KCNQ1OT1: variants seen among roughly 807,000 people sequenced by gnomAD.
KCNQ1OT1 encodes KCNQ1 antisense RNA 2 (non-protein coding).
Position 2,653,061 on chromosome 11 carries a change from G to A in KCNQ1OT1, n.46934C>T, listed in dbSNP as rs758427768. 1.0e-5 allele frequency: 4 copies of A among 398,538 alleles called. No homozygotes were observed. Among genetic ancestry groups the A allele is most frequent in the African/African-American group, 2.1e-5 (1 of 48,628 alleles). The allele number at this position is 398,538 out of a possible 1,614,324, so 24.7% of individuals were successfully genotyped here. ...TGAGATCCAACATGTTCCATAATTT[G>A]CATCAAACATCCTCATACAGCAGGG... On this transcript the variant is annotated non_coding_transcript_exon_variant, in exon 1 of 1. Coordinates refer to ENST00000597346, the Ensembl canonical transcript of KCNQ1OT1. This position sits in a 1 kb window ranked among gnomAD's most constrained non-coding sequence, Gnocchi z 5.3.
At chr11:2,662,094 A>C in exon 1 of KCNQ1OT1, 1 of 1,614,146 alleles carries the variant, frequency 6.2e-7, no homozygotes, top group Non-Finnish European at 8.5e-7. Flanking sequence ...GAGTGCCTAC[A>C]TGTGCGTGAA....
chr11:2,637,893 T>C (rs1034984724), exon 1 of KCNQ1OT1: 2 of 152,246 alleles, frequency 1.3e-5, no homozygotes, highest in African/African-American at 2.4e-5. Context: ...ATATTTAAGA[T>C]AGTTAGCTCT....
rs1453831550 is a variant in KCNQ1OT1, at chr11:2,642,410, T to C, written n.57585A>G. 2.5e-6 allele frequency: 1 copy of C among 398,084 alleles called. No individual in the cohort carries two copies. Among genetic ancestry groups the C allele is most frequent in the Non-Finnish European group, 4.4e-6 (1 of 225,838 alleles). 24.7% of individuals were successfully genotyped at this position (398,084 alleles called of 1,614,324 possible). A position where few individuals can be genotyped will look rare whatever the true frequency, so the allele number is the denominator to read the frequency against. ...CTTGATTTCTTTCTCAGCTGGTTCT[T>C]TATTGGTATATAGAAATAAGCCTGA... On this transcript the variant is annotated non_coding_transcript_exon_variant, in exon 1 of 1. Transcript: ENST00000597346. The surrounding 1 kb of genome is among the most constrained non-coding windows in gnomAD (Gnocchi z 4.3).
In KCNQ1OT1 at chr11:2,651,652, A is replaced by G. The variant is rs530729494; in HGVS notation, n.48343T>C. On this transcript the variant is annotated non_coding_transcript_exon_variant, in exon 1 of 1. Coordinates refer to ENST00000597346, the Ensembl canonical transcript of KCNQ1OT1. The surrounding 1 kb of genome is among the most constrained non-coding windows in gnomAD (Gnocchi z 6.1). ...CCCACCTGGGGTCTCTGTCTCTCCC[A>G]CAGCTCACTGACATTAGCCACGTGG... is the stretch of plus-strand genomic sequence containing the variant. 10 of 398,494 alleles carry G rather than the reference A, an allele frequency of 2.5e-5. No homozygotes were observed. Among genetic ancestry groups the G allele is most frequent in the Admixed American group, 1.3e-4 (3 of 22,712 alleles). The allele number at this position is 398,494 out of a possible 1,614,324, so 24.7% of individuals were successfully genotyped here.
chr11:2,666,685 G>A (rs1341983693), exon 1 of KCNQ1OT1: 1 of 398,554 alleles, frequency 2.5e-6, no homozygotes, highest in Non-Finnish European at 4.4e-6. Context: ...GCTTGGCCTG[G>A]GACATTTTGG....
chr11:2,622,639 T>C (rs1564836616), exon 1 of KCNQ1OT1: 1 of 398,640 alleles, frequency 2.5e-6, no homozygotes, highest in Non-Finnish European at 4.4e-6. Flanking sequence ...CTGCCTTTTT[T>C]TGTGTTTGAT....
chr11:2,673,614 T>G lies in KCNQ1OT1; in HGVS notation n.26381A>C. On this transcript the variant is annotated non_coding_transcript_exon_variant, in exon 1 of 1. Coordinates refer to ENST00000597346, the Ensembl canonical transcript of KCNQ1OT1. The surrounding 1 kb of genome is among the most constrained non-coding windows in gnomAD (Gnocchi z 4.5). ...AAAGAGAAGCTAAACGTGACCAGCC[T>G]ACCCACCTTGCTACTGCTGATGACC... 1 of 398,788 alleles carries G rather than the reference T, an allele frequency of 2.5e-6. No individual in the cohort carries two copies. The highest frequency in any genetic ancestry group is 4.4e-6 in the Non-Finnish European group (1 of 226,160). The allele number at this position is 398,788 out of a possible 1,614,324, so 24.7% of individuals were successfully genotyped here.
exon 1 of KCNQ1OT1, chr11:2,619,800 T>G (rs539522520): frequency 1.0e-5 from 4 of 398,438 alleles, no homozygotes; most frequent in East Asian, 7.1e-5. Flanking sequence ...TTGGGTAGTA[T>G]TCAGTCATGA....
chr11:2,642,851 G>A lies in KCNQ1OT1; in HGVS notation n.57144C>T, dbSNP rs983069172. On this transcript the variant is annotated non_coding_transcript_exon_variant, in exon 1 of 1. Transcript: ENST00000597346. This position sits in a 1 kb window ranked among gnomAD's most constrained non-coding sequence, Gnocchi z 4.3. The stretch of plus-strand genomic sequence containing the variant: ...CTTTTGCAGTATCCCTTAAGTTTCA[G>A]AATGTTGTGCTTCTATTTTCACTTG... The A allele has an allele frequency of 2.5e-6, 1 of 397,772 alleles. No individual in the cohort carries two copies. The allele number at this position is 397,772 out of a possible 1,614,324, so 24.6% of individuals were successfully genotyped here. A position where few individuals can be genotyped will look rare whatever the true frequency, so the allele number is the denominator to read the frequency against.
chr11:2,625,848 C>T (rs1405466619), exon 1 of KCNQ1OT1: 9 of 398,504 alleles, frequency 2.3e-5, no homozygotes, highest in East Asian at 3.6e-5. Context: ...GGATTACAGG[C>T]GTGAGCCACC....
At chr11:2,660,343 T>C (rs986838104) in exon 1 of KCNQ1OT1, 1 of 398,396 alleles carries the variant, frequency 2.5e-6, no homozygotes, top group African/African-American at 2.1e-5. Context: ...AAATTAGGAA[T>C]AAATTTAAGA....
Position 2,671,540 on chromosome 11 carries a change from C to G in KCNQ1OT1, n.28455G>C, listed in dbSNP as rs1163893500. 1 of 398,528 alleles carries G rather than the reference C, an allele frequency of 2.5e-6. No individual in the cohort carries two copies. The highest frequency in any genetic ancestry group is 4.4e-6 in the Non-Finnish European group (1 of 226,090). 24.7% of individuals were successfully genotyped at this position (398,528 alleles called of 1,614,324 possible). A position where few individuals can be genotyped will look rare whatever the true frequency, so the allele number is the denominator to read the frequency against. ...GATTTTTCAAAGGTTAATTTTGACT[C>G]TGCCTGACTTATCTCCTAAGTCTTT... On this transcript the variant is annotated non_coding_transcript_exon_variant, in exon 1 of 1. Transcript: ENST00000597346. The surrounding 1 kb of genome is among the most constrained non-coding windows in gnomAD (Gnocchi z 4.7).
exon 1 of KCNQ1OT1, chr11:2,680,876 C>T (rs1850385074): frequency 2.5e-6 from 1 of 398,568 alleles, no homozygotes; most frequent in Non-Finnish European, 4.4e-6. Flanking sequence ...AAGATTCACC[C>T]AGGTTATTGT....
chr11:2,608,328 TAGTC>T lies in KCNQ1OT1; in HGVS notation n.91663_91666del, dbSNP rs139121618. The T allele has an allele frequency of 3.8e-5, 15 of 398,540 alleles. No homozygotes were observed. The highest frequency in any genetic ancestry group is 1.3e-4 in the South Asian group (1 of 7,832). 24.7% of individuals were successfully genotyped at this position (398,540 alleles called of 1,614,324 possible). A position where few individuals can be genotyped will look rare whatever the true frequency, so the allele number is the denominator to read the frequency against. On this transcript the variant is annotated non_coding_transcript_exon_variant, in exon 1 of 1. Transcript: ENST00000597346. The surrounding 1 kb of genome is among the most constrained non-coding windows in gnomAD (Gnocchi z 4.6). The stretch of plus-strand genomic sequence containing the variant: ...CCATTCACATTTTCTACTTATTTCT[TAGTC>T]AGTTTTCATAGTTTTCATCTTTCTA...
At position 2,674,778 on chromosome 11, in the gene KCNQ1OT1, ACT is replaced by A. The variant is rs905372124; in HGVS notation, n.25215_25216del. ...CCAGTGCCAGACCAGCTTCCTGGAA[ACT>A]CTCGCCAACTGCTGGCCTTTGGAAA... On this transcript the variant is annotated non_coding_transcript_exon_variant, in exon 1 of 1. Coordinates refer to ENST00000597346, the Ensembl canonical transcript of KCNQ1OT1. The surrounding 1 kb of genome is among the most constrained non-coding windows in gnomAD (Gnocchi z 5.9). The A allele has an allele frequency of 1.1e-4, 45 of 394,378 alleles. No homozygotes were observed. Among genetic ancestry groups the A allele is most frequent in the African/African-American group, 9.4e-4 (44 of 46,854 alleles). The allele number at this position is 394,378 out of a possible 1,614,324, so 24.4% of individuals were successfully genotyped here. A position where few individuals can be genotyped will look rare whatever the true frequency, so the allele number is the denominator to read the frequency against.
exon 1 of KCNQ1OT1, chr11:2,618,509 T>A (rs1441843011): frequency 2.5e-6 from 1 of 398,498 alleles, no homozygotes; most frequent in African/African-American, 2.1e-5. Flanking sequence ...TGGTTGATCA[T>A]ATATCTTTGA....
Position 2,609,499 on chromosome 11 carries a change from G to C in KCNQ1OT1, n.90496C>G, listed in dbSNP as rs550470268. On this transcript the variant is annotated non_coding_transcript_exon_variant, in exon 1 of 1. Coordinates refer to ENST00000597346, the Ensembl canonical transcript of KCNQ1OT1. Reference sequence around the variant, plus strand: ...TTGAAAATACTGTATATTCAATGTTGGTTGTTGGGCGAAGTGCTCTATAAT... The same window carrying C: ...TTGAAAATACTGTATATTCAATGTTCGTTGTTGGGCGAAGTGCTCTATAAT... 115 of 398,342 alleles carry C rather than the reference G, an allele frequency of 2.9e-4. 1 individual carries two copies. The highest frequency in any genetic ancestry group is 2.0e-3 in the South Asian group (16 of 7,844). 24.7% of individuals were successfully genotyped at this position (398,342 alleles called of 1,614,324 possible). A position where few individuals can be genotyped will look rare whatever the true frequency, so the allele number is the denominator to read the frequency against.
In KCNQ1OT1 at chr11:2,690,940, G is replaced by A. The variant is rs754407230; in HGVS notation, n.9055C>T. On this transcript the variant is annotated non_coding_transcript_exon_variant, in exon 1 of 1. Coordinates refer to ENST00000597346, the Ensembl canonical transcript of KCNQ1OT1. This position sits in a 1 kb window ranked among gnomAD's most constrained non-coding sequence, Gnocchi z 5.1. ...CCAGCGGCTTTAAGCCAACCTGAAA[G>A]GTTCATTTGGGAGTCACGGGTATGT... is the stretch of plus-strand genomic sequence containing the variant. 1 of 398,444 alleles carries A rather than the reference G, an allele frequency of 2.5e-6. No homozygotes were observed. The highest frequency in any genetic ancestry group is 2.1e-5 in the African/African-American group (1 of 48,600). 24.7% of individuals were successfully genotyped at this position (398,444 alleles called of 1,614,324 possible).
chr11:2,692,295 C>T (rs1224412535), exon 1 of KCNQ1OT1: 3 of 398,904 alleles, frequency 7.5e-6, no homozygotes, highest in Non-Finnish European at 8.8e-6. Context: ...AGGTTCCCTG[C>T]TTCCCTCCAT....
Sources: gnomAD v4.1 joint callset for allele counts on GRCh38, gnomAD v4.1.1 for gene constraint, Gnocchi (gnomAD v3.1) non-coding constraint, MANE v1.5 for transcripts, NCBI Gene and HGNC (gene_info 2026-07-23, HGNC 2026-07-21) for gene names.